Variants in APTX observed in about 807,000 individuals in gnomAD.
The protein encoded by APTX is aprataxin.
Under a neutral mutation model 42.3 loss-of-function variants are expected in APTX, and 33 were observed. The observed-to-expected ratio is 0.78, with a 90% CI of 0.59 to 1.04. The LOEUF (loss-of-function observed/expected upper bound fraction) is 1.04, where lower values mean the gene tolerates loss of function less well. Ranked by LOEUF, APTX falls within the 50% of genes least tolerant of loss-of-function variation. The pLI is 0.00. For synonymous variants in APTX, 130 were observed against 146.7 expected, an observed-to-expected ratio of 0.89 and a Z score of 0.82; for missense variants, 421 against 415.1, an observed-to-expected ratio of 1.01 and a Z score of -0.12.
chr9:32,993,587 T>C (rs1834141408), intron 1 of APTX, among the ~76,000 whole-genome samples: 1 of 152,210 alleles, frequency 6.6e-6, no homozygotes, highest in Admixed American at 6.5e-5. Flanking sequence ...CCAGTTTTCT[T>C]TCCTGCCTTC....
chr9:33,002,246 C>T (rs1218449264), upstream of APTX, among the ~76,000 whole-genome samples: 3 of 152,086 alleles, frequency 2.0e-5, no homozygotes, highest in Non-Finnish European at 4.4e-5. Context: ...GGAACAATCC[C>T]TATCTCGGAG....
At chr9:32,995,392 A>T (rs1279103460) in intron 1 of APTX, among the ~76,000 whole-genome samples, 8 of 152,218 alleles carry the variant, frequency 5.3e-5, no homozygotes, top group African/African-American at 1.9e-4. Context: ...GGGGTTCAAG[A>T]CTTCAATGGA....
At chr9:32,980,054 C>G (rs1830344692) in intron 6 of APTX, 1 of 153,882 alleles carries the variant, frequency 6.5e-6, no homozygotes, top group Admixed American at 6.5e-5. Flanking sequence ...GTATCTAGAG[C>G]ATTTGTCTCA....
At position 32,973,386 on chromosome 9, in the gene APTX, AG is replaced by A. The variant is rs1451162063; in HGVS notation, c.*111del. On this transcript the variant is annotated 3_prime_UTR_variant, in exon 8 of 8. Coordinates refer to ENST00000379817, the MANE Select transcript of APTX (RefSeq NM_001195248.2). ...CAATAATAGAATAAATTTGTGAAAAAGCTGCATGTTTTAATTTAGGAAATGA... is the reference window on the plus strand; with the variant it reads ...CAATAATAGAATAAATTTGTGAAAAACTGCATGTTTTAATTTAGGAAATGA... The A allele has an allele frequency of 7.9e-7, 1 of 1,262,024 alleles. No individual in the cohort carries two copies. Among genetic ancestry groups the A allele is most frequent in the South Asian group, 1.2e-5 (1 of 82,790 alleles). 78.2% of individuals were successfully genotyped at this position (1,262,024 alleles called of 1,614,324 possible).
At chr9:33,023,370 C>T (rs1350396002) in intron 1 of APTX, among the ~76,000 whole-genome samples, 1 of 152,040 alleles carries the variant, frequency 6.6e-6, no homozygotes, top group African/African-American at 2.4e-5. Context: ...ACTACAGGCA[C>T]GTGCCACCAT....
At chr9:33,024,560 A>C (rs565794570) in intron 1 of APTX, among the ~76,000 whole-genome samples, 2 of 152,240 alleles carry the variant, frequency 1.3e-5, no homozygotes, top group East Asian at 1.9e-4. Flanking sequence ...TGACCAGAGG[A>C]GTCCACGGCC....
intron 1 of APTX, among the ~76,000 whole-genome samples, chr9:33,010,720 A>G (rs1432913145): frequency 9.1e-6 from 1 of 110,166 alleles, no homozygotes; most frequent in African/African-American, 3.5e-5. Context: ...ACCTCGTTCC[A>G]AAAAAAAAAA....
upstream of APTX, among the ~76,000 whole-genome samples, chr9:33,003,263 G>A (rs1487396249): frequency 6.6e-6 from 1 of 152,168 alleles, no homozygotes; most frequent in Non-Finnish European, 1.5e-5. Flanking sequence ...ATTGTCTATA[G>A]TGTATTAGTG....
chr9:32,986,001 C>T lies in APTX; in HGVS notation c.513G>A (p.Leu171=), dbSNP rs140888559. The change falls in exon 5 of 8, where the codon TTG becomes TTA. Residue 171 remains leucine, a synonymous_variant. Coordinates refer to ENST00000379817, the MANE Select transcript of APTX (RefSeq NM_001195248.2). ...KESLGHWSQG[L]KISMQDPKMQ... is the part of the protein sequence containing the mutation. ...TTTTGGGGTCCTGCATAGAAATCTTCAAGCCTTGACTCCAGTGGCCCAGGG... is the reference window on the plus strand; with the variant it reads ...TTTTGGGGTCCTGCATAGAAATCTTTAAGCCTTGACTCCAGTGGCCCAGGG... 6.7e-4 allele frequency: 994 copies of T among 1,489,068 alleles called. 1 individual carries two copies. The highest frequency in any genetic ancestry group is 8.4e-4 in the Non-Finnish European group (926 of 1,106,886). 92.2% of individuals were successfully genotyped at this position (1,489,068 alleles called of 1,614,324 possible).
intron 6 of APTX, among the ~76,000 whole-genome samples, chr9:32,983,563 A>C (rs1831195566): frequency 6.6e-6 from 1 of 152,240 alleles, no homozygotes; most frequent in Admixed American, 6.5e-5. Flanking sequence ...AATCTGGCAC[A>C]AAGATTTCAT....
At chr9:33,005,443 T>G (rs1245319430), upstream of APTX, among the ~76,000 whole-genome samples, 1 of 152,102 alleles carries the variant, frequency 6.6e-6, no homozygotes, top group Admixed American at 6.6e-5. Flanking sequence ...TTGTTTTTGT[T>G]TTTGTTTTTG....
upstream of APTX, chr9:33,001,714 A>T: frequency 2.1e-6 from 3 of 1,454,428 alleles, no homozygotes; most frequent in Non-Finnish European, 2.8e-6. Flanking sequence ...AATCTTGCCC[A>T]CTTCCCAGAT....
At chr9:33,011,012 G>A (rs1837502134) in intron 1 of APTX, among the ~76,000 whole-genome samples, 1 of 151,680 alleles carries the variant, frequency 6.6e-6, no homozygotes, top group African/African-American at 2.4e-5. Flanking sequence ...GCGTGGTGGT[G>A]CACGCCTGTA....
At chr9:32,998,342 T>C (rs992736012) in intron 1 of APTX, among the ~76,000 whole-genome samples, 1 of 152,196 alleles carries the variant, frequency 6.6e-6, no homozygotes, top group Non-Finnish European at 1.5e-5. Context: ...GGTAATATTA[T>C]GTATCTGTAA....
intron 1 of APTX, among the ~76,000 whole-genome samples, chr9:33,018,297 A>G (rs1224761393): frequency 6.6e-6 from 1 of 151,560 alleles, no homozygotes; most frequent in Non-Finnish European, 1.5e-5. Context: ...TTTTTAGTAG[A>G]GATGAGGTTT....
chr9:32,973,711 C>CAAAAAAAAAAAAAAA, intron 7 of APTX, 59 bp from the exon 8 acceptor site: 4 of 1,331,624 alleles, frequency 3.0e-6, no homozygotes, highest in African/African-American at 3.2e-5. Context: ...TATGAGATAC[C>CAAAAAAAAAAAAAAA]AAAAAAAAAA....
Position 32,992,817 on chromosome 9 carries a change from G to A in APTX, c.-4-2922C>T, listed in dbSNP as rs576782976. 2.0e-5 allele frequency among the ~76,000 whole-genome samples: 3 copies of A among 152,324 alleles called. No homozygotes were observed. The South Asian group carries it at 6.2e-4, about 32-fold the overall frequency. ...GTGAGCCAGAGAGGTCAAAAAGGCA[G>A]TTCAGCAAGTCTCTGTGAAGGAGCT... On this transcript the variant is annotated intron_variant, in intron 1 of 7. Coordinates refer to ENST00000379817, the MANE Select transcript of APTX (RefSeq NM_001195248.2).
intron 1 of APTX, among the ~76,000 whole-genome samples, chr9:33,016,841 C>T (rs1038984378): frequency 2.0e-5 from 3 of 152,144 alleles, no homozygotes; most frequent in African/African-American, 4.8e-5. Flanking sequence ...CTGGGCTGGA[C>T]GTTCTAAGAG....
chr9:32,974,399 C>A (rs1828819683), intron 7 of APTX, 59 bp downstream of exon 7: 10 of 1,140,060 alleles, frequency 8.8e-6, no homozygotes, highest in South Asian at 1.2e-5. Context: ...ACAACCAAAT[C>A]AAATATAAGA....
Sources: allele counts gnomAD v4.1 joint callset (sites outside exome capture counted in the v4.1 genomes callset), GRCh38; gene constraint gnomAD v4.1.1; transcripts MANE v1.5; gene names NCBI Gene and HGNC (gene_info 2026-07-23, HGNC 2026-07-21).